CADM2: variants seen among roughly 807,000 people sequenced by gnomAD.
The protein encoded by CADM2 is cell adhesion molecule 2.
Under a neutral mutation model 49.8 loss-of-function variants are expected in CADM2, and 12 were observed. The ratio of observed to expected loss-of-function variants is 0.24; its 90% confidence interval spans 0.15 to 0.39. The LOEUF (loss-of-function observed/expected upper bound fraction) is 0.39, where lower values mean the gene tolerates loss of function less well. Ranked by LOEUF, CADM2 falls within the 10% of genes least tolerant of loss-of-function variation. The probability of loss-of-function intolerance (pLI) is 1.00; values close to 1 mark genes in which losing one functional copy is unlikely to be tolerated. For missense variants in CADM2, 378 were observed against 492.3 expected (o/e 0.77, Z 2.20); for synonymous variants, 214 against 175.4 (o/e 1.22, Z -1.74).
chr3:85,689,342 C>A (rs2107676689), intron 1 of CADM2, among the ~76,000 whole-genome samples: 1 of 152,108 alleles, frequency 6.6e-6, no homozygotes, highest in African/African-American at 2.4e-5. Flanking sequence ...GAAGCTATTT[C>A]TTTTAAATGT....
intron 2 of CADM2, among the ~76,000 whole-genome samples, chr3:85,795,126 G>C (rs542498463): frequency 1.5e-4 from 23 of 151,668 alleles, no homozygotes; most frequent in Non-Finnish European, 2.7e-4. Flanking sequence ...CTATTATTTT[G>C]GTAATTCTGA....
chr3:86,019,902 T>C (rs906633339), intron 8 of CADM2, among the ~76,000 whole-genome samples: 3 of 152,044 alleles, frequency 2.0e-5, no homozygotes, highest in Non-Finnish European at 2.9e-5. Context: ...CTGGCCAAAA[T>C]TGACACCCTA....
chr3:85,299,797 A>G (rs2044050351), intron 1 of CADM2, among the ~76,000 whole-genome samples: 1 of 151,900 alleles, frequency 6.6e-6, no homozygotes, highest in Admixed American at 6.6e-5. Context: ...AATGCAGGGA[A>G]CTCAGATTGT....
intron 7 of CADM2, among the ~76,000 whole-genome samples, chr3:85,938,273 CT>C (rs1326564426): frequency 6.6e-6 from 1 of 151,954 alleles, no homozygotes; most frequent in Admixed American, 6.6e-5. Context: ...CAAGACAAGA[CT>C]GAAATAATTG....
At chr3:85,481,302 A>G (rs566126551) in intron 1 of CADM2, among the ~76,000 whole-genome samples, 2 of 150,982 alleles carry the variant, frequency 1.3e-5, no homozygotes, top group East Asian at 3.9e-4. Context: ...TGATCAAAAT[A>G]AGTCAAAATC....
intron 1 of CADM2, among the ~76,000 whole-genome samples, chr3:85,576,518 G>A (rs888691040): frequency 6.6e-6 from 1 of 152,084 alleles, no homozygotes; most frequent in Non-Finnish European, 1.5e-5. Context: ...CCATGACAAT[G>A]TTTACACACA....
intron 1 of CADM2, among the ~76,000 whole-genome samples, chr3:85,225,741 C>T (rs544664361): frequency 4.6e-5 from 7 of 152,294 alleles, no homozygotes; most frequent in African/African-American, 1.7e-4. Context: ...GTTGGTCTGT[C>T]ATAAATAGCT....
At chr3:85,966,313 A>G (rs961183574) in intron 8 of CADM2, among the ~76,000 whole-genome samples, 2 of 151,882 alleles carry the variant, frequency 1.3e-5, no homozygotes, top group East Asian at 3.9e-4. Flanking sequence ...TCACAGTTAT[A>G]GCAGAGTTGA....
At chr3:85,083,823 A>G (rs974953083) in intron 1 of CADM2, among the ~76,000 whole-genome samples, 1 of 152,146 alleles carries the variant, frequency 6.6e-6, no homozygotes, top group Non-Finnish European at 1.5e-5. Context: ...ACTGCCACAG[A>G]TTTATATTAT....
At chr3:85,999,937 A>G (rs1434619637) in intron 8 of CADM2, among the ~76,000 whole-genome samples, 2 of 152,198 alleles carry the variant, frequency 1.3e-5, no homozygotes, top group Non-Finnish European at 2.9e-5. Context: ...GCATAAATTA[A>G]GCATTTTTAA....
intron 8 of CADM2, among the ~76,000 whole-genome samples, chr3:86,009,795 A>T (rs571295744): frequency 4.0e-5 from 6 of 151,798 alleles, no homozygotes; most frequent in Non-Finnish European, 8.8e-5. Flanking sequence ...CAAATAATAT[A>T]TATTTTAATT....
chr3:85,012,111 A>C (rs1269187995), intron 1 of CADM2, among the ~76,000 whole-genome samples: 1 of 151,604 alleles, frequency 6.6e-6, no homozygotes, highest in African/African-American at 2.4e-5. Context: ...AGGGAGAAAT[A>C]AAAAACTGAT....
intron 8 of CADM2, among the ~76,000 whole-genome samples, chr3:86,040,211 C>A (rs1238571738): frequency 6.6e-6 from 1 of 152,076 alleles, no homozygotes; most frequent in African/African-American, 2.4e-5. Context: ...TCCTCACCAG[C>A]AACAGAACAA....
At chr3:85,220,478 T>C (rs1166626830) in intron 1 of CADM2, among the ~76,000 whole-genome samples, 1 of 152,182 alleles carries the variant, frequency 6.6e-6, no homozygotes, top group Non-Finnish European at 1.5e-5. Flanking sequence ...GTCTCTGTAA[T>C]GTCAAGCATA....
rs186432202 is a variant in CADM2, at chr3:85,006,915, A to C, written c.61+47247A>C. Among the ~76,000 whole-genome samples, 27 of 152,284 alleles carry C rather than the reference A, an allele frequency of 1.8e-4. No homozygotes were observed. In the East Asian group the frequency reaches 4.4e-3, roughly 25 times the overall value. ...TAATTTCTCTTGCAACATCTTGACC[A>C]TTATACATTCGTGCATTGATTATCC... On this transcript the variant is annotated intron_variant, in intron 1 of 9. Transcript: ENST00000383699.
At chr3:85,827,268 T>C (rs1386591625) in intron 3 of CADM2, among the ~76,000 whole-genome samples, 3 of 151,996 alleles carry the variant, frequency 2.0e-5, no homozygotes, top group Non-Finnish European at 4.4e-5. Context: ...CTAGCAGTGC[T>C]TGTAGAAATT....
intron 1 of CADM2, among the ~76,000 whole-genome samples, chr3:85,625,624 A>G (rs1268296552): frequency 2.0e-5 from 3 of 152,056 alleles, no homozygotes; most frequent in Admixed American, 2.0e-4. Context: ...ATTACTATAC[A>G]TAATATTGAT....
intron 1 of CADM2, among the ~76,000 whole-genome samples, chr3:85,696,153 T>C (rs1039359306): frequency 6.6e-6 from 1 of 152,138 alleles, no homozygotes; most frequent in African/African-American, 2.4e-5. Context: ...TTCTTGTAGA[T>C]TTGGGATATT....
intron 1 of CADM2, among the ~76,000 whole-genome samples, chr3:85,467,507 A>G (rs1250265778): frequency 6.6e-6 from 1 of 152,190 alleles, no homozygotes. Context: ...CAAATTTACA[A>G]TGACCAGAAA....
Sources: allele counts gnomAD v4.1 joint callset (sites outside exome capture counted in the v4.1 genomes callset), GRCh38; gene constraint gnomAD v4.1.1; transcripts MANE v1.5; gene names NCBI Gene and HGNC (gene_info 2026-07-23, HGNC 2026-07-21).